Variants in PKN2 observed in about 807,000 individuals in gnomAD.
The protein encoded by PKN2 is protein kinase N2, also known as serine/threonine-protein kinase N2.
Under a neutral mutation model 119.1 loss-of-function variants are expected in PKN2, and 38 were observed. The ratio of observed to expected loss-of-function variants is 0.32; its 90% confidence interval spans 0.25 to 0.42. The LOEUF (loss-of-function observed/expected upper bound fraction) is 0.42, where lower values mean the gene tolerates loss of function less well. Ranked by LOEUF, PKN2 falls within the 10% of genes least tolerant of loss-of-function variation. PKN2 has a pLI of 1.00. For synonymous variants in PKN2, 390 were observed against 384.9 expected (o/e 1.01, Z -0.15); for missense variants, 850 against 1,165.1 (o/e 0.73, Z 3.94).
At chr1:88,763,607 CAAAAAAAAAA>C (rs34763457) in intron 3 of PKN2, among the ~76,000 whole-genome samples, 1 of 103,402 alleles carries the variant, frequency 9.7e-6, no homozygotes, top group Non-Finnish European at 2.0e-5. Flanking sequence ...AACTCCATCT[CAAAAAAAAAA>C]AAAAAAAAAG....
At chr1:88,687,182 C>T (rs1666135861) in intron 1 of PKN2, among the ~76,000 whole-genome samples, 2 of 152,082 alleles carry the variant, frequency 1.3e-5, no homozygotes, top group African/African-American at 4.8e-5. Flanking sequence ...TCTGAAACTA[C>T]AGTATTCTGT....
At chr1:88,749,407 A>AC (rs1424397339) in intron 2 of PKN2, among the ~76,000 whole-genome samples, 1 of 151,802 alleles carries the variant, frequency 6.6e-6, no homozygotes, top group Admixed American at 6.6e-5. Context: ...CCGTCTCAAA[A>AC]AAAAAAAAAA....
intron 1 of PKN2, among the ~76,000 whole-genome samples, chr1:88,721,614 A>T (rs1185099359): frequency 6.6e-6 from 1 of 152,190 alleles, no homozygotes; most frequent in Admixed American, 6.5e-5. Flanking sequence ...GAAGTTACTT[A>T]AATTTTTAAC....
intron 3 of PKN2, among the ~76,000 whole-genome samples, chr1:88,761,882 T>C (rs1669459046): frequency 6.6e-6 from 1 of 152,206 alleles, no homozygotes; most frequent in Non-Finnish European, 1.5e-5. Flanking sequence ...CATTTAGTTT[T>C]GGGGATTTTA....
In PKN2 at chr1:88,827,654, C is replaced by G. The variant is rs1269312392; in HGVS notation, c.2420-827C>G. On this transcript the variant is annotated intron_variant, in intron 18 of 21. Transcript: ENST00000370521. Reference sequence around the variant, plus strand: ...CTTCCCTTCCCTCCCCTCTTCTCCCCTCCCCTCCCGTCCCCTCCTCTCTCT... The same window carrying G: ...CTTCCCTTCCCTCCCCTCTTCTCCCGTCCCCTCCCGTCCCCTCCTCTCTCT... 5.0e-5 allele frequency among the ~76,000 whole-genome samples: 7 copies of G among 140,706 alleles called. No homozygotes were observed. In the South Asian group the frequency reaches 1.6e-3, roughly 32 times the overall value. The allele number at this position is 140,706 out of a possible 152,430, so 92.3% of individuals were successfully genotyped here.
At chr1:88,729,078 G>C (rs1438394413) in intron 1 of PKN2, among the ~76,000 whole-genome samples, 1 of 151,968 alleles carries the variant, frequency 6.6e-6, no homozygotes, top group Non-Finnish European at 1.5e-5. Flanking sequence ...ATTTTTAGTA[G>C]AGATGGGGTT....
chr1:88,754,362 C>G (rs949562388), intron 2 of PKN2, among the ~76,000 whole-genome samples: 1 of 152,044 alleles, frequency 6.6e-6, no homozygotes, highest in Non-Finnish European at 1.5e-5. Context: ...AAGAACAAAT[C>G]TTAGCACTCA....
rs1264882631 is a variant in PKN2, at chr1:88,836,040, T to G, written c.*2592T>G. 6.6e-5 allele frequency: 10 copies of G among 152,108 alleles called. No individual in the cohort carries two copies. Among genetic ancestry groups the G allele is most frequent in the African/African-American group, 1.9e-4 (8 of 41,442 alleles). The allele number at this position is 152,108 out of a possible 1,614,324, so 9.4% of individuals were successfully genotyped here. On this transcript the variant is annotated 3_prime_UTR_variant, in exon 22 of 22. Coordinates refer to ENST00000370521, the MANE Select transcript of PKN2 (RefSeq NM_006256.4). ...TGTAAGGTCAGTAGCATCTTTTATT[T>G]GAAGCATATTTATGGACTGCTTACT... is the stretch of plus-strand genomic sequence containing the variant.
In PKN2 at chr1:88,821,822, C is replaced by G. The variant is rs1672304665; in HGVS notation, c.2280-119C>G. 21 of 773,328 alleles carry G rather than the reference C, an allele frequency of 2.7e-5. No individual in the cohort carries two copies. In the South Asian group the frequency reaches 3.9e-4, roughly 14 times the overall value. 47.9% of individuals were successfully genotyped at this position (773,328 alleles called of 1,614,324 possible). On this transcript the variant is annotated intron_variant, in intron 16 of 21. Coordinates refer to ENST00000370521, the MANE Select transcript of PKN2 (RefSeq NM_006256.4). ...AGCACAATGTGATACATAGTAGGGA[C>G]TAAATAAATATTTGTGAAATAAATT...
chr1:88,811,305 C>CT (rs1042835139), intron 15 of PKN2, among the ~76,000 whole-genome samples: 1 of 152,172 alleles, frequency 6.6e-6, no homozygotes, highest in Admixed American at 6.5e-5. Flanking sequence ...GGATTCAATT[C>CT]TAAGACCTTG....
chr1:88,819,593 G>C (rs528099330), intron 16 of PKN2, among the ~76,000 whole-genome samples: 1 of 152,316 alleles, frequency 6.6e-6, no homozygotes, highest in South Asian at 2.1e-4. Flanking sequence ...AGCCATTGTG[G>C]AAGACAGTGT....
chr1:88,739,677 A>C (rs1335917192), intron 1 of PKN2, among the ~76,000 whole-genome samples: 2 of 152,236 alleles, frequency 1.3e-5, no homozygotes, highest in Non-Finnish European at 2.9e-5. Context: ...GTGTTTCAGA[A>C]TTTAAACATT....
chr1:88,753,895 G>A (rs1226753227), intron 2 of PKN2, among the ~76,000 whole-genome samples: 1 of 152,146 alleles, frequency 6.6e-6, no homozygotes, highest in African/African-American at 2.4e-5. Context: ...TAAGGAGGCA[G>A]TTGTGTCTTT....
chr1:88,765,216 A>G (rs1056138543), intron 3 of PKN2, among the ~76,000 whole-genome samples: 1 of 150,110 alleles, frequency 6.7e-6, no homozygotes, highest in Non-Finnish European at 1.5e-5. Flanking sequence ...GGCGTGAGCT[A>G]CCGTGCCCAG....
At chr1:88,732,938 A>G (rs1668199667) in intron 1 of PKN2, among the ~76,000 whole-genome samples, 1 of 152,194 alleles carries the variant, frequency 6.6e-6, no homozygotes, top group Non-Finnish European at 1.5e-5. Context: ...CATAGGTGGA[A>G]TCTAAAAGGT....
intron 6 of PKN2, among the ~76,000 whole-genome samples, chr1:88,773,984 G>A (rs1046374154): frequency 6.6e-6 from 1 of 152,102 alleles, no homozygotes; most frequent in African/African-American, 2.4e-5. Flanking sequence ...CAGATTCCAG[G>A]ATTTCTACTA....
In PKN2 at chr1:88,821,988, A is replaced by G. The variant is rs771964322; in HGVS notation, c.2327A>G (p.His776Arg). ...CTTGGGTTGCAGTATTTACATGAAC[A>G]CAAAATTGTTTATAGGTAAGTTAAT... is the stretch of plus-strand genomic sequence containing the variant. ...VVLGLQYLHE[H>R]KIVYRDLKLD... The change falls in exon 17 of 22, where the codon CAC becomes CGC. Residue 776 changes from histidine (H) to arginine (R), a missense_variant. Transcript: ENST00000370521. The G allele has an allele frequency of 7.6e-6, 12 of 1,575,114 alleles. No homozygotes were observed.
chr1:88,768,224 CAA>C (rs1669744292), intron 3 of PKN2, among the ~76,000 whole-genome samples: 2 of 152,142 alleles, frequency 1.3e-5, no homozygotes, highest in South Asian at 2.1e-4. Context: ...GTTGCTGTAA[CAA>C]ATTATCACAA....
chr1:88,741,317 A>G, intron 2 of PKN2, 29 bp downstream of exon 2: 6 of 1,332,502 alleles, frequency 4.5e-6, no homozygotes, highest in East Asian at 2.6e-5. Context: ...TGATGTTTAT[A>G]TGGTATATTA....
Sources: allele counts gnomAD v4.1 joint callset (sites outside exome capture counted in the v4.1 genomes callset), GRCh38; gene constraint gnomAD v4.1.1; transcripts MANE v1.5; gene names NCBI Gene and HGNC (gene_info 2026-07-23, HGNC 2026-07-21).